RNF19B: variants seen among roughly 807,000 people sequenced by gnomAD.
The protein encoded by RNF19B is ring finger protein 19B.
RNF19B carries 23 observed loss-of-function variants against 65.5 expected under a neutral mutation model. That is an observed-to-expected ratio of 0.35 (90% confidence interval 0.25 to 0.50). The LOEUF (loss-of-function observed/expected upper bound fraction) is 0.50. Among genes scored for constraint, RNF19B ranks in the 20% least tolerant of loss-of-function variants. RNF19B has a pLI of 0.98. For synonymous variants in RNF19B, 372 were observed against 379.6 expected (o/e 0.98, Z 0.23); for missense variants, 794 against 980.0 (o/e 0.81, Z 2.53).
downstream of RNF19B, among the ~76,000 whole-genome samples, chr1:32,935,051 T>C (rs532682044): frequency 1.7e-3 from 258 of 151,648 alleles, no homozygotes; most frequent in African/African-American, 5.0e-3. Context: ...AGGATGGTCT[T>C]GATCTCCTGA....
rs1458514081 is a variant in RNF19B, at chr1:32,942,241, T to C, written c.1610+11A>G. The C allele has an allele frequency of 1.3e-6, 2 of 1,592,268 alleles. No individual in the cohort carries two copies. The highest frequency in any genetic ancestry group is 1.7e-5 in the Admixed American group (1 of 59,258). Reference sequence around the variant, plus strand: ...CTAACCATTTCTGTCAGAAATTATCTATTTGTTTACCTGCTATATTTTCCC... The same window carrying C: ...CTAACCATTTCTGTCAGAAATTATCCATTTGTTTACCTGCTATATTTTCCC... On this transcript the variant is annotated intron_variant, in intron 7 of 8. Transcript: ENST00000235150.
At chr1:32,962,691 C>T (rs181698258) in intron 1 of RNF19B, among the ~76,000 whole-genome samples, 35 of 152,298 alleles carry the variant, frequency 2.3e-4, no homozygotes, top group South Asian at 2.3e-3. Context: ...AAAGATCACA[C>T]AACTTTTTAC....
downstream of RNF19B, among the ~76,000 whole-genome samples, chr1:32,936,088 C>T (rs1642093029): frequency 6.6e-6 from 1 of 152,152 alleles, no homozygotes; most frequent in Non-Finnish European, 1.5e-5. Flanking sequence ...ACTGCCACTC[C>T]TTCTCTCCTC....
In RNF19B at chr1:32,960,023, C is replaced by G. The variant is rs141489815; in HGVS notation, c.635+4028G>C. The stretch of plus-strand genomic sequence containing the variant: ...CAGAGATGGTGCCACTGCACTCCAG[C>G]CTGGGTGACAGAGCGAGACTCCGTC... On this transcript the variant is annotated intron_variant, in intron 1 of 8. Coordinates refer to ENST00000235150, the MANE Select transcript of RNF19B (RefSeq NM_001300826.2). 2.5e-3 allele frequency among the ~76,000 whole-genome samples: 380 copies of G among 152,050 alleles called. 2 individuals carry two copies. Among genetic ancestry groups the G allele is most frequent in the African/African-American group, 8.7e-3 (362 of 41,468 alleles).
chr1:32,948,866 A>G (rs995309365), intron 2 of RNF19B, among the ~76,000 whole-genome samples: 1 of 152,190 alleles, frequency 6.6e-6, no homozygotes. Context: ...TCAAAACCTA[A>G]AAACAACTGG....
intron 6 of RNF19B, among the ~76,000 whole-genome samples, chr1:32,943,622 A>G (rs537239226): frequency 6.6e-6 from 1 of 152,322 alleles, no homozygotes; most frequent in South Asian, 2.1e-4. Context: ...AAAAAAAAAA[A>G]AAGAAATTCC....
intron 1 of RNF19B, among the ~76,000 whole-genome samples, chr1:32,958,005 C>A (rs528285010): frequency 6.6e-6 from 1 of 152,170 alleles, no homozygotes; most frequent in Non-Finnish European, 1.5e-5. Flanking sequence ...ACTTTGTACA[C>A]AGAGTTGTAG....
intron 3 of RNF19B, among the ~76,000 whole-genome samples, chr1:32,947,607 C>T (rs977932078): frequency 6.7e-6 from 1 of 149,454 alleles, no homozygotes; most frequent in African/African-American, 2.5e-5. Context: ...TGCAGTGAGT[C>T]GAGATCGAGC....
chr1:32,949,494 G>A, intron 2 of RNF19B, 75 bp downstream of exon 2: 1 of 1,294,662 alleles, frequency 7.7e-7, no homozygotes, highest in Non-Finnish European at 1.1e-6. Flanking sequence ...TATACAATAA[G>A]ATAATTTCTT....
chr1:32,961,971 TTTTG>T (rs1642779959), intron 1 of RNF19B, among the ~76,000 whole-genome samples: 1 of 151,778 alleles, frequency 6.6e-6, no homozygotes, highest in African/African-American at 2.4e-5. Flanking sequence ...CTATGCAGTG[TTTTG>T]TTTTTTTTTT....
intron 7 of RNF19B, among the ~76,000 whole-genome samples, chr1:32,940,732 C>G (rs533843768): frequency 4.6e-5 from 7 of 152,286 alleles, no homozygotes; most frequent in African/African-American, 1.7e-4. Context: ...GGCCTTTCTT[C>G]TCCGTTGCAT....
intron 1 of RNF19B, 74 bp downstream of exon 1, chr1:32,963,977 C>T (rs2124200025): frequency 7.3e-7 from 1 of 1,366,810 alleles, no homozygotes; most frequent in Non-Finnish European, 9.4e-7. Flanking sequence ...GACACCCACG[C>T]GGGGTCCCTG....
intron 1 of RNF19B, among the ~76,000 whole-genome samples, chr1:32,955,133 T>A (rs1455018414): frequency 6.6e-6 from 1 of 152,082 alleles, no homozygotes; most frequent in Non-Finnish European, 1.5e-5. Context: ...ACACTGGACT[T>A]AAGGAGACAT....
intron 1 of RNF19B, among the ~76,000 whole-genome samples, chr1:32,953,220 C>T (rs778840274): frequency 6.6e-6 from 1 of 151,738 alleles, no homozygotes; most frequent in Non-Finnish European, 1.5e-5. Flanking sequence ...GCAACCCTCC[C>T]GCCTTAGCCT....
rs139707870 is a variant in RNF19B, at chr1:32,956,177, C to T, written c.636-6403G>A. On this transcript the variant is annotated intron_variant, in intron 1 of 8. Transcript: ENST00000235150. ...GGTCAGGAGTTCGAGACCAGCCTGG[C>T]CAACCTGACAAAACCCCTCTCTACT... is the stretch of plus-strand genomic sequence containing the variant. Among the ~76,000 whole-genome samples, 441 of 151,480 alleles carry T rather than the reference C, an allele frequency of 2.9e-3. 3 individuals carry two copies. The highest frequency in any genetic ancestry group is 0.01 in the African/African-American group (421 of 41,246).
chr1:32,950,740 T>A (rs911894603), intron 1 of RNF19B, among the ~76,000 whole-genome samples: 1 of 152,066 alleles, frequency 6.6e-6, no homozygotes, highest in Non-Finnish European at 1.5e-5. Context: ...TTTCGCCCCA[T>A]TGCCCAGGCT....
chr1:32,945,294 G>A lies in RNF19B; in HGVS notation c.1261+220C>T, dbSNP rs188394861. Among the ~76,000 whole-genome samples, 65 of 152,290 alleles carry A rather than the reference G, an allele frequency of 4.3e-4. No homozygotes were observed. In the East Asian group the frequency reaches 0.012, roughly 28 times the overall value. ...ATTCAACCTTTTCTATGTGCCAAAT[G>A]GAGTTCTAGGCACTAACTTAAGAAC... On this transcript the variant is annotated intron_variant, in intron 5 of 8. Coordinates refer to ENST00000235150, the MANE Select transcript of RNF19B (RefSeq NM_001300826.2).
At position 32,937,329 on chromosome 1, in the gene RNF19B, A is replaced by C; in HGVS notation, c.1743-70T>G. On this transcript the variant is annotated intron_variant, in intron 8 of 8. Transcript: ENST00000235150. The stretch of plus-strand genomic sequence containing the variant: ...CTAAACCTGTTGGTAAAAGCAGTTC[A>C]TGGGTTCAGGATTAGGAATTTCAAA... 6.2e-7 allele frequency: 1 copy of C among 1,606,404 alleles called. No individual in the cohort carries two copies. The highest frequency in any genetic ancestry group is 1.7e-5 in the Admixed American group (1 of 59,946).
intron 1 of RNF19B, among the ~76,000 whole-genome samples, chr1:32,959,619 G>A (rs533802941): frequency 3.2e-4 from 48 of 152,234 alleles, no homozygotes; most frequent in African/African-American, 1.2e-3. Flanking sequence ...ATGTCTGAAT[G>A]AGATTATAGT....
Sources: allele counts gnomAD v4.1 joint callset (sites outside exome capture counted in the v4.1 genomes callset), GRCh38; gene constraint gnomAD v4.1.1; transcripts MANE v1.5; gene names NCBI Gene and HGNC (gene_info 2026-07-23, HGNC 2026-07-21).